Variants in TBC1D1 observed in about 807,000 individuals in gnomAD.
TBC1D1 encodes the protein TBC1 domain family member 1.
Under a neutral mutation model 125.6 loss-of-function variants are expected in TBC1D1, and 89 were observed. That is an observed-to-expected ratio of 0.71 (90% CI 0.60 to 0.85). The LOEUF is 0.85. Ranked by LOEUF, TBC1D1 falls within the 40% of genes least tolerant of loss-of-function variation. TBC1D1 has a pLI of 0.00. For missense variants in TBC1D1, 1,377 were observed against 1,469.2 expected (o/e 0.94, Z 1.03); for synonymous variants, 565 against 564.1 (o/e 1.00, Z -0.02).
chr4:38,014,511 G>A lies in TBC1D1; in HGVS notation c.420G>A (p.Val140=). ...AACACGCCTCTCTCTCTCCTCAGGT[G>A]CCTGAGATCATCAGCTCCATCCGTC... Residue 140 remains valine (V), a splice_region_variant and synonymous_variant, in exon 3 of 20, where the codon GTG becomes GTA. Coordinates refer to ENST00000261439, the MANE Select transcript of TBC1D1 (RefSeq NM_015173.4). This position sits in a 1 kb window ranked among gnomAD's most constrained non-coding sequence, Gnocchi z 5.1. 1.2e-6 allele frequency: 2 copies of A among 1,611,658 alleles called. No homozygotes were observed.
At chr4:38,134,251 C>T (rs1363795681) in intron 19 of TBC1D1, among the ~76,000 whole-genome samples, 1 of 152,162 alleles carries the variant, frequency 6.6e-6, no homozygotes, top group Non-Finnish European at 1.5e-5. Flanking sequence ...TGAGAAAGGC[C>T]AGCCTAGTGA....
intron 2 of TBC1D1, among the ~76,000 whole-genome samples, chr4:37,964,537 A>T (rs779100722): frequency 5.3e-5 from 8 of 152,170 alleles, no homozygotes; most frequent in Non-Finnish European, 1.2e-4. Flanking sequence ...TTTTCACAGA[A>T]AGGACCAATG....
At chr4:38,066,455 C>T (rs982722989) in intron 12 of TBC1D1, among the ~76,000 whole-genome samples, 1 of 152,130 alleles carries the variant, frequency 6.6e-6, no homozygotes, top group African/African-American at 2.4e-5. Context: ...CCTCAGCCTC[C>T]TAAGTGCCTG....
At chr4:38,008,932 G>T (rs75689398) in intron 2 of TBC1D1, among the ~76,000 whole-genome samples, 2,183 of 152,292 alleles carry the variant, frequency 0.014, 53 homozygotes, top group African/African-American at 0.05. Context: ...AAATCTTCAT[G>T]ATTGAATCTA....
intron 1 of TBC1D1, among the ~76,000 whole-genome samples, chr4:37,894,612 T>G (rs1433437951): frequency 6.6e-6 from 1 of 152,212 alleles, no homozygotes; most frequent in Non-Finnish European, 1.5e-5. Flanking sequence ...GTAAGCCCTA[T>G]AGGTTTGTTG....
At chr4:37,964,910 G>A (rs1374037238) in intron 2 of TBC1D1, among the ~76,000 whole-genome samples, 4 of 152,238 alleles carry the variant, frequency 2.6e-5, no homozygotes, top group Non-Finnish European at 5.9e-5. Context: ...GCAGGAAGCT[G>A]CCAGAGCATG....
intron 7 of TBC1D1, among the ~76,000 whole-genome samples, chr4:38,028,508 G>T (rs770408234): frequency 1.3e-5 from 2 of 152,096 alleles, no homozygotes; most frequent in African/African-American, 2.4e-5. Flanking sequence ...TTTGTGTTGG[G>T]CTACATTCAG....
chr4:38,067,135 A>G (rs1753887784), intron 12 of TBC1D1, among the ~76,000 whole-genome samples: 2 of 152,170 alleles, frequency 1.3e-5, no homozygotes, highest in Non-Finnish European at 2.9e-5. Context: ...TCGGCCTCCC[A>G]AAGTGCTGGG....
chr4:37,983,149 A>G (rs1578146924), intron 2 of TBC1D1, among the ~76,000 whole-genome samples: 2 of 120,194 alleles, frequency 1.7e-5, no homozygotes, highest in Admixed American at 9.8e-5. Flanking sequence ...TTTCAGACGG[A>G]GTCTCGCTCT....
At chr4:37,971,275 A>G (rs763993196) in intron 2 of TBC1D1, among the ~76,000 whole-genome samples, 1 of 152,218 alleles carries the variant, frequency 6.6e-6, no homozygotes, top group African/African-American at 2.4e-5. Flanking sequence ...CTGTTAATAA[A>G]GACATACCTA....
intron 2 of TBC1D1, among the ~76,000 whole-genome samples, chr4:37,963,440 G>T (rs1730442508): frequency 6.6e-6 from 1 of 152,118 alleles, no homozygotes; most frequent in African/African-American, 2.4e-5. Context: ...ACCACTGGAG[G>T]CCAGGAGTTC....
chr4:38,032,892 A>G (rs770902318), intron 7 of TBC1D1, among the ~76,000 whole-genome samples: 3 of 151,740 alleles, frequency 2.0e-5, no homozygotes, highest in Non-Finnish European at 4.4e-5. Flanking sequence ...ACTATCGAGG[A>G]TGGTGAAGTT....
At chr4:38,111,686 G>A (rs1762226653) in intron 15 of TBC1D1, among the ~76,000 whole-genome samples, 1 of 152,132 alleles carries the variant, frequency 6.6e-6, no homozygotes, top group Non-Finnish European at 1.5e-5. Context: ...AGGAAAAGCA[G>A]GGGGAGGGCC....
intron 2 of TBC1D1, among the ~76,000 whole-genome samples, chr4:37,979,485 A>T (rs945453491): frequency 6.6e-6 from 1 of 152,252 alleles, no homozygotes; most frequent in Admixed American, 6.5e-5. Context: ...AGTCATTAAC[A>T]CACTTTACAT....
At chr4:38,084,366 T>A (rs1460601701) in intron 12 of TBC1D1, among the ~76,000 whole-genome samples, 1 of 152,114 alleles carries the variant, frequency 6.6e-6, no homozygotes, top group Non-Finnish European at 1.5e-5. Context: ...GGGTTGAGAG[T>A]GGACTTGGGC....
At chr4:38,092,387 A>G (rs1298597575) in intron 13 of TBC1D1, among the ~76,000 whole-genome samples, 1 of 152,208 alleles carries the variant, frequency 6.6e-6, no homozygotes, top group Non-Finnish European at 1.5e-5. Flanking sequence ...AATATTAAAT[A>G]TTGATGTAAA....
chr4:38,045,933 T>G lies in TBC1D1; in HGVS notation c.1629+30T>G, dbSNP rs764292974. 8.9e-6 allele frequency: 14 copies of G among 1,580,094 alleles called. No individual in the cohort carries two copies. In the Admixed American group the frequency reaches 1.5e-4, roughly 17 times the overall value. On this transcript the variant is annotated intron_variant, in intron 10 of 19. Coordinates refer to ENST00000261439, the MANE Select transcript of TBC1D1 (RefSeq NM_015173.4). Reference sequence around the variant, plus strand: ...GCACATTTCTCTTTATACGACACCCTGAAGAAACCAACAAATAGGTCTTGC... The same window carrying G: ...GCACATTTCTCTTTATACGACACCCGGAAGAAACCAACAAATAGGTCTTGC...
chr4:38,005,762 G>A (rs991030411), intron 2 of TBC1D1, among the ~76,000 whole-genome samples: 8 of 152,236 alleles, frequency 5.3e-5, no homozygotes, highest in African/African-American at 1.4e-4. Context: ...AAAGCTGGAT[G>A]TGAACCCCAG....
At chr4:38,033,741 GCT>G (rs1477105215) in intron 7 of TBC1D1, among the ~76,000 whole-genome samples, 1 of 149,318 alleles carries the variant, frequency 6.7e-6, no homozygotes, top group Admixed American at 6.6e-5. Flanking sequence ...TGATCTTTTT[GCT>G]CTCTCCATAG....
Sources: allele counts gnomAD v4.1 joint callset (sites outside exome capture counted in the v4.1 genomes callset), GRCh38; gene constraint gnomAD v4.1.1; non-coding constraint Gnocchi (gnomAD v3.1); transcripts MANE v1.5; gene names NCBI Gene and HGNC (gene_info 2026-07-23, HGNC 2026-07-21).